The following ASIC2 variants were observed in gnomAD, a reference collection of about 807,000 sequenced individuals.
ASIC2 encodes the protein acid-sensing ion channel 2.
Under a neutral mutation model 57.3 loss-of-function variants are expected in ASIC2, and 25 were observed. The ratio of observed to expected loss-of-function variants is 0.44; its 90% confidence interval spans 0.32 to 0.61. The LOEUF is 0.61. Ranked by LOEUF, ASIC2 falls within the 20% of genes least tolerant of loss-of-function variation. The probability of loss-of-function intolerance (pLI) is 0.06; values close to 1 mark genes in which losing one functional copy is unlikely to be tolerated. For missense variants in ASIC2, 641 were observed against 738.1 expected, an observed-to-expected ratio of 0.87 and a Z score of 1.52; for synonymous variants, 319 against 307.5, an observed-to-expected ratio of 1.04 and a Z score of -0.39.
At chr17:33,882,823 G>A (rs1261927093) in intron 1 of ASIC2, among the ~76,000 whole-genome samples, 10 of 152,198 alleles carry the variant, frequency 6.6e-5, no homozygotes, top group African/African-American at 9.6e-5. Flanking sequence ...TGTTTATTGC[G>A]GTACTATTCA....
At chr17:33,089,153 T>C (rs2092147931) in intron 2 of ASIC2, among the ~76,000 whole-genome samples, 163 bp from the exon 3 acceptor site, 1 of 152,182 alleles carries the variant, frequency 6.6e-6, no homozygotes, top group Admixed American at 6.5e-5. Flanking sequence ...GTGACTAGGT[T>C]GCCTTACATG....
intron 1 of ASIC2, among the ~76,000 whole-genome samples, chr17:33,798,125 G>C (rs548055260): frequency 1.3e-5 from 2 of 152,268 alleles, no homozygotes; most frequent in Admixed American, 6.5e-5. Flanking sequence ...AAAAGGATGA[G>C]AGAAACTAAA....
At chr17:34,093,828 C>T (rs919403145) in intron 1 of ASIC2, among the ~76,000 whole-genome samples, 9 of 152,198 alleles carry the variant, frequency 5.9e-5, no homozygotes, top group African/African-American at 1.7e-4. Context: ...CATCCAGTCT[C>T]TCCCACATAG....
chr17:34,021,094 G>A (rs1293940104), intron 1 of ASIC2, among the ~76,000 whole-genome samples: 2 of 152,036 alleles, frequency 1.3e-5, no homozygotes, highest in Admixed American at 1.3e-4. Context: ...TCGGGGAAAA[G>A]GCTGGGAGGG....
At chr17:33,812,249 C>T (rs972234269) in intron 1 of ASIC2, among the ~76,000 whole-genome samples, 1 of 152,098 alleles carries the variant, frequency 6.6e-6, no homozygotes, top group Non-Finnish European at 1.5e-5. Context: ...TCAGCAATGC[C>T]ATTTAATTGA....
chr17:33,775,678 G>A (rs1002313853), intron 1 of ASIC2, among the ~76,000 whole-genome samples: 3 of 152,156 alleles, frequency 2.0e-5, no homozygotes, highest in Admixed American at 6.5e-5. Context: ...TGTGTGTGTG[G>A]TGAGAAAGTG....
intron 1 of ASIC2, among the ~76,000 whole-genome samples, chr17:33,732,643 T>C (rs1909783119): frequency 6.6e-6 from 1 of 151,948 alleles, no homozygotes; most frequent in Admixed American, 6.6e-5. Flanking sequence ...TATTTTTTAT[T>C]TTTTATTTTT....
chr17:33,379,921 A>AGAATAGGTCC (rs1909420142), intron 1 of ASIC2, among the ~76,000 whole-genome samples: 1 of 152,194 alleles, frequency 6.6e-6, no homozygotes, highest in African/African-American at 2.4e-5. Context: ...TGTCTTGCAC[A>AGAATAGGTCC]GAATAGGTCC....
chr17:33,228,062 T>C (rs926005092), intron 1 of ASIC2, among the ~76,000 whole-genome samples: 13 of 152,310 alleles, frequency 8.5e-5, no homozygotes, highest in Non-Finnish European at 1.5e-4. Flanking sequence ...AGGGACAGTG[T>C]ACTCCACATG....
rs549022581 is a variant in ASIC2 at position 34,036,486 on chromosome 17, A to C, written c.555+119492T>G. Among the ~76,000 whole-genome samples the C allele has an allele frequency of 3.3e-5, 5 of 151,892 alleles. No individual in the cohort carries two copies. The East Asian group carries it at 5.8e-4, about 18-fold the overall frequency. On this transcript the variant is annotated intron_variant, in intron 1 of 9. Coordinates refer to the ASIC2 transcript ENST00000359872. ...ATGTATACATATGTAACAAACCTGC[A>C]CGTTGTGCACACGTACCCTAAAACT...
chr17:34,083,502 T>C (rs1022065467), intron 1 of ASIC2, among the ~76,000 whole-genome samples: 18 of 151,976 alleles, frequency 1.2e-4, no homozygotes, highest in Middle Eastern at 3.4e-3. Context: ...TGTGTCTTTA[T>C]AGCAGCATGA....
At chr17:33,637,993 C>T (rs1461039877) in intron 1 of ASIC2, among the ~76,000 whole-genome samples, 1 of 152,052 alleles carries the variant, frequency 6.6e-6, no homozygotes, top group Non-Finnish European at 1.5e-5. Context: ...ACAGAGTCTG[C>T]CTCTGGGTGG....
At chr17:33,819,918 T>A (rs1289811378) in intron 1 of ASIC2, among the ~76,000 whole-genome samples, 5 of 152,190 alleles carry the variant, frequency 3.3e-5, no homozygotes, top group Non-Finnish European at 7.3e-5. Context: ...TCCCTAGGAT[T>A]TGAATTTGGA....
intron 1 of ASIC2, among the ~76,000 whole-genome samples, chr17:33,580,655 A>G (rs1394286241): frequency 6.6e-6 from 1 of 152,090 alleles, no homozygotes; most frequent in Non-Finnish European, 1.5e-5. Flanking sequence ...ACCCCAGCTC[A>G]GCACCTCCTC....
chr17:34,081,996 C>T lies in ASIC2; in HGVS notation c.555+73982G>A, dbSNP rs999724802. On this transcript the variant is annotated intron_variant, in intron 1 of 9. Transcript: ENST00000359872. The stretch of plus-strand genomic sequence containing the variant: ...CTCATTTGCTTCTCCATGACCCAAA[C>T]TCTCCGATTTAAGTTCTCATCACAC... 5 of 152,218 alleles carry T rather than the reference C, an allele frequency of 3.3e-5. No homozygotes were observed. The East Asian group carries it at 9.6e-4, about 29-fold the overall frequency. 9.4% of individuals were successfully genotyped at this position (152,218 alleles called of 1,614,324 possible). A position where few individuals can be genotyped will look rare whatever the true frequency, so the allele number is the denominator to read the frequency against.
At chr17:34,103,635 GGT>G (rs1567823351) in intron 1 of ASIC2, among the ~76,000 whole-genome samples, 1 of 151,652 alleles carries the variant, frequency 6.6e-6, no homozygotes. Context: ...TGGTGTGTGT[GGT>G]GTGAGGTCAG....
intron 1 of ASIC2, among the ~76,000 whole-genome samples, chr17:34,099,162 G>A (rs372471133): frequency 0.35 from 13,692 of 39,540 alleles, 1,810 homozygotes; most frequent in African/African-American, 0.55. Flanking sequence ...GAGAGAGAGA[G>A]AGAAAGAAAG....
intron 1 of ASIC2, among the ~76,000 whole-genome samples, chr17:34,014,667 G>T (rs973133754): frequency 3.9e-5 from 6 of 152,190 alleles, no homozygotes; most frequent in Non-Finnish European, 8.8e-5. Flanking sequence ...CACCCTAGCT[G>T]CCAATCTGGT....
intron 1 of ASIC2, chr17:34,082,045 C>T (rs989164417): frequency 4.6e-5 from 7 of 152,238 alleles, no homozygotes; most frequent in African/African-American, 1.7e-4. Flanking sequence ...GCTCCTGGTC[C>T]TTTGCTCATG....
Sources: gnomAD v4.1 joint callset for allele counts (sites outside exome capture counted in the v4.1 genomes callset) on GRCh38, gnomAD v4.1.1 for gene constraint, MANE v1.5 for transcripts, NCBI Gene and HGNC (gene_info 2026-07-23, HGNC 2026-07-21) for gene names.